C20orf96: variants seen among roughly 807,000 people sequenced by gnomAD.
The protein encoded by C20orf96 is uncharacterized protein C20orf96.
C20orf96 carries 57 observed loss-of-function variants against 52.6 expected under a neutral mutation model. The ratio of observed to expected loss-of-function variants is 1.08; its 90% CI spans 0.88 to 1.35. C20orf96 has a LOEUF of 1.35. Among genes scored for constraint, C20orf96 ranks in the 40% most tolerant of loss-of-function variants. C20orf96 has a pLI of 0.00. For missense variants in C20orf96, 478 were observed against 443.6 expected, an observed-to-expected ratio of 1.08 and a Z score of -0.70; for synonymous variants, 168 against 157.2, an observed-to-expected ratio of 1.07 and a Z score of -0.51.
intron 3 of C20orf96, among the ~76,000 whole-genome samples, chr20:289,328 A>C (rs575358811): frequency 1.3e-5 from 2 of 152,348 alleles, no homozygotes; most frequent in Non-Finnish European, 2.9e-5. Context: ...ACAAGGTCAA[A>C]GGAACCTGGA....
At chr20:275,813 G>C (rs1321384170) in intron 10 of C20orf96, among the ~76,000 whole-genome samples, 155 bp downstream of exon 10, 2 of 152,136 alleles carry the variant, frequency 1.3e-5, no homozygotes, top group Non-Finnish European at 2.9e-5. Flanking sequence ...TCTGCCCCTG[G>C]TCAGTGGCAG....
At chr20:283,736 T>TG (rs2012309837) in intron 4 of C20orf96, among the ~76,000 whole-genome samples, 1 of 152,160 alleles carries the variant, frequency 6.6e-6, no homozygotes, top group Non-Finnish European at 1.5e-5. Flanking sequence ...CTTTGACCCC[T>TG]GATCCTGCCA....
intron 4 of C20orf96, among the ~76,000 whole-genome samples, chr20:280,099 C>A (rs971685953): frequency 6.6e-6 from 1 of 152,110 alleles, no homozygotes; most frequent in Admixed American, 6.5e-5. Flanking sequence ...GCCGCGGAGT[C>A]AATGAGTACT....
At chr20:285,761 T>C (rs2012368636) in intron 3 of C20orf96, among the ~76,000 whole-genome samples, 2 of 152,186 alleles carry the variant, frequency 1.3e-5, no homozygotes, top group Admixed American at 6.5e-5. Context: ...TTTTAATTTT[T>C]AGTAGAGATG....
chr20:279,434 C>A, intron 4 of C20orf96, 104 bp from the exon 5 acceptor site: 1 of 1,280,868 alleles, frequency 7.8e-7, no homozygotes, highest in Non-Finnish European at 1.0e-6. Context: ...ACGCCCGCCC[C>A]CGTGCGGCCT....
intron 10 of C20orf96, among the ~76,000 whole-genome samples, chr20:272,189 CATA>C (rs1287123657): frequency 2.0e-5 from 3 of 148,036 alleles, no homozygotes; most frequent in African/African-American, 7.9e-5. Context: ...TGAAATTTTT[CATA>C]ATAATAGTAA....
chr20:277,487 T>G, intron 6 of C20orf96, 104 bp from the exon 7 acceptor site: 1 of 1,202,708 alleles, frequency 8.3e-7, no homozygotes, highest in Non-Finnish European at 1.2e-6. Context: ...GGCCAGTAAC[T>G]GGGGTCTGGG....
chr20:287,108 G>A (rs1335950589), intron 3 of C20orf96, among the ~76,000 whole-genome samples: 3 of 152,164 alleles, frequency 2.0e-5, no homozygotes, highest in South Asian at 2.1e-4. Flanking sequence ...AATTATGAAC[G>A]AGGCTGCTAT....
At chr20:288,460 G>A (rs1306579961) in intron 3 of C20orf96, among the ~76,000 whole-genome samples, 1 of 152,070 alleles carries the variant, frequency 6.6e-6, no homozygotes, top group Non-Finnish European at 1.5e-5. Context: ...AGAAGACAGT[G>A]CTCTGACTCT....
chr20:273,704 C>T lies in C20orf96; in HGVS notation c.1031+2264G>A, dbSNP rs183714714. On this transcript the variant is annotated intron_variant, in intron 10 of 10. Coordinates refer to ENST00000360321, the MANE Select transcript of C20orf96 (RefSeq NM_153269.3). ...CAGCCTGGCCAACATGGCAAAACCC[C>T]GTTTCTACTAAAAAACATAAAAATT... 3.8e-3 allele frequency among the ~76,000 whole-genome samples: 580 copies of T among 151,970 alleles called. 4 individuals carry two copies. Among genetic ancestry groups the T allele is most frequent in the African/African-American group, 0.014 (559 of 41,402 alleles).
chr20:275,897 C>T, intron 10 of C20orf96, 71 bp downstream of exon 10: 1 of 1,462,912 alleles, frequency 6.8e-7, no homozygotes, highest in African/African-American at 1.4e-5. Context: ...GCTGCCTTCC[C>T]CAAGAACAGA....
Position 276,896 on chromosome 20 carries a change from G to A in C20orf96, c.826-17C>T. On this transcript the variant is annotated splice_polypyrimidine_tract_variant and intron_variant, in intron 8 of 10. Transcript: ENST00000360321. The stretch of plus-strand genomic sequence containing the variant: ...CTGGGTTTCCTGTGGAGGAAGAAGA[G>A]GTCTGGCCCCCAGGTGCCTCTTCCT... 1 of 1,613,912 alleles carries A rather than the reference G, an allele frequency of 6.2e-7. No individual in the cohort carries two copies. The highest frequency in any genetic ancestry group is 1.1e-5 in the South Asian group (1 of 91,078).
At chr20:275,946 C>T in intron 10 of C20orf96, 22 bp downstream of exon 10, 1 of 1,603,274 alleles carries the variant, frequency 6.2e-7, no homozygotes, top group Non-Finnish European at 8.5e-7. Flanking sequence ...GTTTAAGAGG[C>T]AGTGGCAAAA....
chr20:282,682 C>T (rs2012282439), intron 4 of C20orf96, among the ~76,000 whole-genome samples: 1 of 152,136 alleles, frequency 6.6e-6, no homozygotes, highest in Non-Finnish European at 1.5e-5. Context: ...ACCAGCCTGG[C>T]CAATATGGTG....
chr20:280,650 G>A (rs984369861), intron 4 of C20orf96, among the ~76,000 whole-genome samples: 2 of 152,318 alleles, frequency 1.3e-5, no homozygotes, highest in African/African-American at 2.4e-5. Flanking sequence ...GCTAAAACAA[G>A]AACTGAGTAG....
chr20:279,401 A>ACCCGCCGCCCCGGC, intron 4 of C20orf96, 71 bp from the exon 5 acceptor site: 2 of 1,481,734 alleles, frequency 1.3e-6, no homozygotes, highest in East Asian at 5.4e-5. Context: ...AAGCCCGTGG[A>ACCCGCCGCCCCGGC]CCCGCCGCCC....
In C20orf96 at chr20:276,024, G is replaced by A. The variant is rs777686797; in HGVS notation, c.975C>T (p.Ala325=). 17 of 1,614,052 alleles carry A rather than the reference G, an allele frequency of 1.1e-5. No individual in the cohort carries two copies. Among genetic ancestry groups the A allele is most frequent in the Non-Finnish European group, 1.2e-5 (14 of 1,180,040 alleles). The change falls in exon 10 of 11, where the codon GCC becomes GCT. Residue 325 remains alanine, a synonymous_variant. Transcript: ENST00000360321. ...VLRAEVEELQ[A]QTREPREVIF... ...TGACCTCTCGGGGTTCCCGGGTCTG[G>A]GCTTGGAGCTCTTCCACCTCGGCCC... is the stretch of plus-strand genomic sequence containing the variant.
chr20:276,069 C>G lies in C20orf96; in HGVS notation c.930G>C (p.Glu310Asp), dbSNP rs1158046263. Reference protein sequence around the residue: ...QRFREIIDQFEENMPVLRAEV... With the variant: ...QRFREIIDQFDENMPVLRAEV... ...CGGCCCTTAATACAGGCATGTTCTC[C>G]TCAAACTGGTCAATAATCTGAGAGG... Residue 310 changes from glutamate to aspartate, a missense_variant, in exon 10 of 11, where the codon GAG becomes GAC. Coordinates refer to ENST00000360321, the MANE Select transcript of C20orf96 (RefSeq NM_153269.3). The G allele has an allele frequency of 1.2e-6, 2 of 1,614,142 alleles. No homozygotes were observed. The highest frequency in any genetic ancestry group is 1.7e-6 in the Non-Finnish European group (2 of 1,180,032).
chr20:285,527 T>C (rs1236477956), intron 3 of C20orf96, among the ~76,000 whole-genome samples: 2 of 152,244 alleles, frequency 1.3e-5, no homozygotes, highest in Admixed American at 6.5e-5. Context: ...GAATGATTAA[T>C]AGGTTAATCT....
Sources: gnomAD v4.1 joint callset for allele counts (sites outside exome capture counted in the v4.1 genomes callset) on GRCh38, gnomAD v4.1.1 for gene constraint, MANE v1.5 for transcripts, NCBI Gene and HGNC (gene_info 2026-07-23, HGNC 2026-07-21) for gene names.